The following PRKN variants were observed in gnomAD, a reference collection of about 807,000 sequenced individuals.
PRKN encodes the protein E3 ubiquitin-protein ligase parkin.
A neutral mutation model predicts 59.5 loss-of-function variants in PRKN; 56 were observed. That is an observed-to-expected ratio of 0.94 (90% CI 0.76 to 1.18). The LOEUF (loss-of-function observed/expected upper bound fraction) is 1.18. PRKN is among the 50% of genes most tolerant of loss of function. The pLI, the probability that PRKN is intolerant of heterozygous loss-of-function variation, is 0.00. For synonymous variants in PRKN, 250 were observed against 222.1 expected (o/e 1.13, Z -1.12); for missense variants, 657 against 596.4 (o/e 1.10, Z -1.06).
At chr6:162,154,346 T>C (rs1044536479) in intron 4 of PRKN, among the ~76,000 whole-genome samples, 3 of 152,026 alleles carry the variant, frequency 2.0e-5, no homozygotes. Flanking sequence ...AATAAGAAAA[T>C]GCCTGAAAAT....
chr6:162,221,324 T>C (rs1777924738), intron 3 of PRKN, among the ~76,000 whole-genome samples: 1 of 152,184 alleles, frequency 6.6e-6, no homozygotes, highest in African/African-American at 2.4e-5. Context: ...ATTGGTCTGG[T>C]CTGTTTGTCA....
chr6:162,383,232 A>C (rs2128141444), intron 2 of PRKN, among the ~76,000 whole-genome samples: 1 of 152,334 alleles, frequency 6.6e-6, no homozygotes, highest in African/African-American at 2.4e-5. Context: ...CAGTTCCATT[A>C]GAGGCATCCC....
intron 6 of PRKN, among the ~76,000 whole-genome samples, chr6:161,843,443 C>T (rs1793071956): frequency 6.6e-6 from 1 of 152,176 alleles, no homozygotes; most frequent in African/African-American, 2.4e-5. Context: ...CACTTGGATA[C>T]TTAAGAATAA....
At chr6:162,019,519 T>C (rs1582903853) in intron 5 of PRKN, among the ~76,000 whole-genome samples, 1 of 152,166 alleles carries the variant, frequency 6.6e-6, no homozygotes, top group Admixed American at 6.5e-5. Context: ...CTGCAATAAC[T>C]TCCCCTGGAA....
At chr6:162,013,321 T>G (rs2128271862) in intron 5 of PRKN, among the ~76,000 whole-genome samples, 1 of 152,274 alleles carries the variant, frequency 6.6e-6, no homozygotes, top group Middle Eastern at 3.4e-3. Flanking sequence ...ATCCCTTGTC[T>G]TTTGGATACG....
intron 3 of PRKN, among the ~76,000 whole-genome samples, chr6:162,242,311 C>G (rs1358611080): frequency 6.6e-6 from 1 of 152,068 alleles, no homozygotes; most frequent in Non-Finnish European, 1.5e-5. Context: ...CAGTTTTCCA[C>G]AGTGTTAAGG....
At chr6:162,507,429 A>G (rs527927366) in intron 1 of PRKN, among the ~76,000 whole-genome samples, 1 of 152,238 alleles carries the variant, frequency 6.6e-6, no homozygotes, top group East Asian at 1.9e-4. Context: ...GAAAAGAAAA[A>G]AAATTATATA....
intron 7 of PRKN, among the ~76,000 whole-genome samples, chr6:161,682,839 T>G (rs768817485): frequency 1.1e-4 from 17 of 152,186 alleles, no homozygotes; most frequent in South Asian, 4.2e-4. Context: ...GGTGAGCAGA[T>G]GCCTGGATGC....
chr6:161,412,197 C>T (rs931668895), intron 9 of PRKN, among the ~76,000 whole-genome samples: 3 of 150,416 alleles, frequency 2.0e-5, no homozygotes, highest in East Asian at 2.0e-4. Flanking sequence ...TTCCTCCACT[C>T]ACTCTTTCCT....
At chr6:161,828,136 T>C (rs1166036328) in intron 6 of PRKN, among the ~76,000 whole-genome samples, 2 of 152,184 alleles carry the variant, frequency 1.3e-5, no homozygotes, top group Non-Finnish European at 2.9e-5. Context: ...TCAAATCTTA[T>C]TTACCACACA....
intron 6 of PRKN, among the ~76,000 whole-genome samples, chr6:161,842,466 T>TAAAA (rs61182650): frequency 7.4e-6 from 1 of 135,804 alleles, no homozygotes. Flanking sequence ...AATGAGACTC[T>TAAAA]AAAAAAAAAA....
intron 6 of PRKN, among the ~76,000 whole-genome samples, chr6:161,924,853 T>G (rs1382275951): frequency 6.6e-6 from 1 of 152,222 alleles, no homozygotes; most frequent in Non-Finnish European, 1.5e-5. Flanking sequence ...GAAGATGAGA[T>G]AATCTATTTC....
chr6:161,484,895 C>G lies in PRKN; in HGVS notation c.1083+63959G>C, dbSNP rs547653794. On this transcript the variant is annotated intron_variant, in intron 9 of 11. Transcript: ENST00000366898. The surrounding 1 kb of genome is among the most constrained non-coding windows in gnomAD (Gnocchi z 4.9). ...CTCAAAGGTGTCTGCTCCTAACCAC[C>G]TGCCCCTCAAAGGTGTCTGCTCCTA... Among the ~76,000 whole-genome samples the G allele has an allele frequency of 1.4e-4, 21 of 152,266 alleles. No individual in the cohort carries two copies. The East Asian group carries it at 3.9e-3, about 28-fold the overall frequency.
chr6:161,734,397 C>T (rs1439225832), intron 7 of PRKN, among the ~76,000 whole-genome samples: 1 of 152,174 alleles, frequency 6.6e-6, no homozygotes, highest in Non-Finnish European at 1.5e-5. Context: ...TCATCAAACA[C>T]AGTGAGAATT....
At chr6:161,671,565 G>A (rs919968695) in intron 7 of PRKN, among the ~76,000 whole-genome samples, 7 of 152,162 alleles carry the variant, frequency 4.6e-5, no homozygotes, top group African/African-American at 1.4e-4. Context: ...ACGGGCTACC[G>A]TAGTTCCTCC....
At chr6:162,650,654 T>G (rs1475538954) in intron 1 of PRKN, among the ~76,000 whole-genome samples, 2 of 152,026 alleles carry the variant, frequency 1.3e-5, no homozygotes, top group African/African-American at 4.8e-5. Flanking sequence ...CAGAGAGATT[T>G]TAACAGTCTA....
chr6:162,114,731 A>C (rs898129732), intron 4 of PRKN, among the ~76,000 whole-genome samples: 2 of 150,506 alleles, frequency 1.3e-5, no homozygotes, highest in East Asian at 1.9e-4. Flanking sequence ...GCAGCCAAAA[A>C]ACACATGAAA....
Position 162,538,857 on chromosome 6 carries a change from G to C in PRKN, c.8-95384C>G, listed in dbSNP as rs562774472. ...TAAAAAGACACAGCTGTCTATTTCA[G>C]TGTACACATGCTTGGTAGCATGGGT... On this transcript the variant is annotated intron_variant, in intron 1 of 11. Transcript: ENST00000366898. Among the ~76,000 whole-genome samples, 4 of 152,350 alleles carry C rather than the reference G, an allele frequency of 2.6e-5. No individual in the cohort carries two copies. The South Asian group carries it at 6.2e-4, about 24-fold the overall frequency.
chr6:162,197,376 G>C (rs943754673), intron 4 of PRKN, among the ~76,000 whole-genome samples: 4 of 152,042 alleles, frequency 2.6e-5, no homozygotes, highest in Non-Finnish European at 4.4e-5. Context: ...CTATGGACTA[G>C]CTACACTAGA....
Sources: allele counts gnomAD v4.1 joint callset (sites outside exome capture counted in the v4.1 genomes callset), GRCh38; gene constraint gnomAD v4.1.1; non-coding constraint Gnocchi (gnomAD v3.1); transcripts MANE v1.5; gene names NCBI Gene and HGNC (gene_info 2026-07-23, HGNC 2026-07-21).